EYA2: variants seen among roughly 807,000 people sequenced by gnomAD.
The protein encoded by EYA2 is EYA transcriptional coactivator and phosphatase 2.
A neutral mutation model predicts 69.2 loss-of-function variants in EYA2; 31 were observed. That is an observed-to-expected ratio of 0.45 (90% CI 0.34 to 0.60). The LOEUF (loss-of-function observed/expected upper bound fraction) is 0.60. Among genes scored for constraint, EYA2 ranks in the 20% least tolerant of loss-of-function variants. The pLI is 0.02. For missense variants in EYA2, 622 were observed against 701.2 expected, an observed-to-expected ratio of 0.89 and a Z score of 1.28; for synonymous variants, 257 against 279.4, an observed-to-expected ratio of 0.92 and a Z score of 0.80.
intron 8 of EYA2, among the ~76,000 whole-genome samples, chr20:47,090,229 CTTTTT>C (rs60732138): frequency 2.5e-5 from 3 of 122,062 alleles, no homozygotes; most frequent in Admixed American, 1.8e-4. Context: ...ATGCTCCAAT[CTTTTT>C]TTTTTTTTTT....
intron 5 of EYA2, among the ~76,000 whole-genome samples, chr20:47,057,353 C>G (rs1349798156): frequency 6.6e-6 from 1 of 152,180 alleles, no homozygotes; most frequent in Non-Finnish European, 1.5e-5. Context: ...AGAAAAGAAA[C>G]AGAGAAATAG....
chr20:46,973,788 A>G (rs1980284529), intron 1 of EYA2, among the ~76,000 whole-genome samples: 1 of 148,466 alleles, frequency 6.7e-6, no homozygotes. Context: ...TCTGACCAAA[A>G]GAGAAGGAGG....
intron 1 of EYA2, 82 bp downstream of exon 1, chr20:46,895,069 G>T (rs1983730049): frequency 6.6e-6 from 1 of 152,156 alleles, no homozygotes; most frequent in African/African-American, 2.4e-5. Context: ...GGACCCCCTC[G>T]CCCTGCGCCT....
intron 9 of EYA2, among the ~76,000 whole-genome samples, chr20:47,141,051 T>C (rs181021637): frequency 1.3e-5 from 2 of 152,248 alleles, no homozygotes; most frequent in Admixed American, 1.3e-4. Context: ...TACTAGGCCT[T>C]ACCTCCCAAC....
intron 1 of EYA2, among the ~76,000 whole-genome samples, chr20:46,896,750 GA>G (rs1167532711): frequency 6.6e-6 from 1 of 152,220 alleles, no homozygotes; most frequent in African/African-American, 2.4e-5. Context: ...AATGTGGTTA[GA>G]TGCAAAAGAG....
intron 5 of EYA2, among the ~76,000 whole-genome samples, chr20:47,039,453 G>A (rs1368928205): frequency 6.6e-6 from 1 of 152,172 alleles, no homozygotes; most frequent in Admixed American, 6.5e-5. Flanking sequence ...TGCAACCAGA[G>A]ACCATGTGGC....
At chr20:46,992,459 A>C (rs1220468065) in intron 2 of EYA2, among the ~76,000 whole-genome samples, 1 of 152,228 alleles carries the variant, frequency 6.6e-6, no homozygotes, top group Non-Finnish European at 1.5e-5. Flanking sequence ...CCCATTTTAC[A>C]GACATGGAAG....
chr20:47,067,086 G>C (rs1050357276), intron 5 of EYA2, among the ~76,000 whole-genome samples: 1 of 152,140 alleles, frequency 6.6e-6, no homozygotes. Context: ...AGCTGACCCT[G>C]GGTCACAAAA....
At chr20:46,897,369 C>T (rs970678545) in intron 1 of EYA2, among the ~76,000 whole-genome samples, 2 of 152,204 alleles carry the variant, frequency 1.3e-5, no homozygotes, top group Non-Finnish European at 2.9e-5. Context: ...AGTCCAAGCA[C>T]GTCCACTTTA....
At chr20:47,003,798 A>G (rs1982524690) in intron 3 of EYA2, among the ~76,000 whole-genome samples, 1 of 152,224 alleles carries the variant, frequency 6.6e-6, no homozygotes, top group African/African-American at 2.4e-5. Context: ...TAGCAGATTC[A>G]TGGTTCCAAG....
intron 15 of EYA2, among the ~76,000 whole-genome samples, chr20:47,185,215 G>A (rs995248288): frequency 2.0e-5 from 3 of 150,172 alleles, no homozygotes; most frequent in East Asian, 2.0e-4. Context: ...GGGTAAAGGC[G>A]GCTAGAACAT....
chr20:46,919,648 T>A (rs557237922), intron 1 of EYA2, among the ~76,000 whole-genome samples: 1 of 152,374 alleles, frequency 6.6e-6, no homozygotes, highest in African/African-American at 2.4e-5. Context: ...ACTCAGACTT[T>A]CTCTGTATCA....
At chr20:47,148,058 C>CAAAA (rs1264883844) in intron 10 of EYA2, among the ~76,000 whole-genome samples, 5 of 82,838 alleles carry the variant, frequency 6.0e-5, no homozygotes, top group South Asian at 7.5e-4. Flanking sequence ...GACTCTGTCT[C>CAAAA]AAAAAAAAAA....
intron 9 of EYA2, among the ~76,000 whole-genome samples, chr20:47,125,630 A>AC (rs2033169926): frequency 6.6e-6 from 1 of 152,200 alleles, no homozygotes; most frequent in Non-Finnish European, 1.5e-5. Context: ...AAAGCTAACC[A>AC]CAAGGAGGAG....
At chr20:47,048,932 C>G (rs192087626) in intron 5 of EYA2, among the ~76,000 whole-genome samples, 2 of 152,304 alleles carry the variant, frequency 1.3e-5, no homozygotes, top group African/African-American at 4.8e-5. Flanking sequence ...TCCAGCATTT[C>G]TGAGTTCCAA....
At chr20:46,895,019 C>G (rs969017652) in intron 1 of EYA2, 32 bp downstream of exon 1, 5 of 151,782 alleles carry the variant, frequency 3.3e-5, no homozygotes, top group Non-Finnish European at 7.4e-5. Flanking sequence ...CACCCCAGGC[C>G]GCCCGCCGGG....
At chr20:46,902,190 C>T (rs533835984) in intron 1 of EYA2, among the ~76,000 whole-genome samples, 2 of 152,178 alleles carry the variant, frequency 1.3e-5, no homozygotes, top group South Asian at 2.1e-4. Flanking sequence ...CCTTGGGACC[C>T]GATTTTGGAA....
At chr20:46,946,623 T>C (rs527658825) in intron 1 of EYA2, among the ~76,000 whole-genome samples, 1 of 152,258 alleles carries the variant, frequency 6.6e-6, no homozygotes, top group East Asian at 1.9e-4. Flanking sequence ...GTCATAAATA[T>C]TTTTGGCTTT....
chr20:47,100,918 G>C (rs1326080187), intron 9 of EYA2, among the ~76,000 whole-genome samples: 1 of 152,230 alleles, frequency 6.6e-6, no homozygotes, highest in East Asian at 1.9e-4. Flanking sequence ...AGAGACCACA[G>C]CCTCTACAGT....
Sources: allele counts gnomAD v4.1 joint callset (sites outside exome capture counted in the v4.1 genomes callset), GRCh38; gene constraint gnomAD v4.1.1; transcripts MANE v1.5; gene names NCBI Gene and HGNC (gene_info 2026-07-23, HGNC 2026-07-21).